Variants in KIAA1217 observed in about 807,000 individuals in gnomAD.
KIAA1217 encodes KIAA1217, also known as sickle tail protein homolog.
Under a neutral mutation model 163.9 loss-of-function variants are expected in KIAA1217, and 88 were observed. That is an observed-to-expected ratio of 0.54 (90% CI 0.45 to 0.64). KIAA1217 has a LOEUF of 0.64. Among genes scored for constraint, KIAA1217 ranks in the 30% least tolerant of loss-of-function variants. The pLI is 0.00. For missense variants in KIAA1217, 2,372 were observed against 2,475.0 expected, an observed-to-expected ratio of 0.96 and a Z score of 0.88; for synonymous variants, 903 against 923.1, an observed-to-expected ratio of 0.98 and a Z score of 0.39.
At chr10:24,420,881 C>T (rs1252177233) in intron 3 of KIAA1217, among the ~76,000 whole-genome samples, 2 of 152,178 alleles carry the variant, frequency 1.3e-5, no homozygotes, top group Non-Finnish European at 2.9e-5. Context: ...TCTTGTTTGT[C>T]CTATCCGTGT....
At chr10:24,197,912 G>A (rs758019253) in intron 2 of KIAA1217, among the ~76,000 whole-genome samples, 107 of 152,264 alleles carry the variant, frequency 7.0e-4, no homozygotes, top group Non-Finnish European at 1.2e-3. Flanking sequence ...GTCCTGGTGC[G>A]CGGAATGCAT....
intron 2 of KIAA1217, among the ~76,000 whole-genome samples, chr10:24,245,334 A>T (rs1341618347): frequency 1.3e-5 from 2 of 152,132 alleles, no homozygotes; most frequent in African/African-American, 4.8e-5. Context: ...GGCTGGTTGC[A>T]CCTGCTCTGT....
chr10:24,009,117 G>T (rs1847136771), intron 2 of KIAA1217, among the ~76,000 whole-genome samples: 1 of 152,180 alleles, frequency 6.6e-6, no homozygotes, highest in South Asian at 2.1e-4. Context: ...GGCACTAAAA[G>T]AACTTGCAAC....
chr10:23,832,155 C>T (rs1838235616), intron 1 of KIAA1217, among the ~76,000 whole-genome samples: 1 of 152,154 alleles, frequency 6.6e-6, no homozygotes. Context: ...AGCAGATTGT[C>T]ACTTATACTT....
chr10:23,919,870 C>T (rs1004074946), intron 1 of KIAA1217, among the ~76,000 whole-genome samples: 1 of 152,132 alleles, frequency 6.6e-6, no homozygotes, highest in African/African-American at 2.4e-5. Context: ...TCTCCTTGGC[C>T]ACCTAGTTCC....
At chr10:24,322,922 G>C (rs1359222661) in intron 2 of KIAA1217, among the ~76,000 whole-genome samples, 1 of 152,152 alleles carries the variant, frequency 6.6e-6, no homozygotes, top group Non-Finnish European at 1.5e-5. Flanking sequence ...TAATTTACAA[G>C]TGATCATTTC....
intron 2 of KIAA1217, among the ~76,000 whole-genome samples, chr10:24,164,046 G>C (rs1370708754): frequency 6.6e-6 from 1 of 152,284 alleles, no homozygotes; most frequent in South Asian, 2.1e-4. Flanking sequence ...TAAGTCTAAA[G>C]AGACAGCTGC....
intron 1 of KIAA1217, among the ~76,000 whole-genome samples, chr10:23,841,370 T>C (rs1838772572): frequency 6.6e-6 from 1 of 152,208 alleles, no homozygotes; most frequent in African/African-American, 2.4e-5. Context: ...GTAACTGTCA[T>C]TGCTGGGTGG....
chr10:24,451,997 C>A (rs2061408945), intron 5 of KIAA1217, among the ~76,000 whole-genome samples: 1 of 152,134 alleles, frequency 6.6e-6, no homozygotes, highest in African/African-American at 2.4e-5. Context: ...TAGAGGGCTT[C>A]CAGGGGACCA....
At chr10:23,765,553 C>A (rs1024407399) in intron 1 of KIAA1217, among the ~76,000 whole-genome samples, 6 of 152,136 alleles carry the variant, frequency 3.9e-5, no homozygotes, top group Admixed American at 1.3e-4. Flanking sequence ...CCACCCAAAT[C>A]TCATCTTGAA....
intron 3 of KIAA1217, among the ~76,000 whole-genome samples, chr10:24,430,573 T>C (rs1027777920): frequency 1.3e-5 from 2 of 151,926 alleles, no homozygotes; most frequent in East Asian, 1.9e-4. Context: ...CAACGCACCA[T>C]AATGTAGAAT....
At position 24,300,044 on chromosome 10, in the gene KIAA1217, G is replaced by A. The variant is rs148049150; in HGVS notation, c.354+80135G>A. The stretch of plus-strand genomic sequence containing the variant: ...ATCTTCCTGTGATTTCTCTGCTACC[G>A]CAGAGGGTAGTCACCAACCTTTAGC... On this transcript the variant is annotated intron_variant, in intron 2 of 20. Transcript: ENST00000376454. Among the ~76,000 whole-genome samples the A allele has an allele frequency of 8.4e-3, 1,276 of 152,192 alleles. 18 individuals carry two copies. The highest frequency in any genetic ancestry group is 0.03 in the African/African-American group (1,226 of 41,518).
rs1056882152 is a variant in KIAA1217 at position 24,059,718 on chromosome 10, C to A, written c.-171+52344C>A. On this transcript the variant is annotated intron_variant, in intron 2 of 18. Coordinates refer to the KIAA1217 transcript ENST00000376462. Reference sequence around the variant, plus strand: ...TCAGCCTCCCAAGTAACTGGGACTACAGGCACCCGCCACTGCACCCAGGTT... The same window carrying A: ...TCAGCCTCCCAAGTAACTGGGACTAAAGGCACCCGCCACTGCACCCAGGTT... Among the ~76,000 whole-genome samples the A allele has an allele frequency of 4.7e-4, 72 of 151,950 alleles. 1 individual carries two copies. Among genetic ancestry groups the A allele is most frequent in the African/African-American group, 1.7e-3 (69 of 41,400 alleles).
chr10:23,910,726 G>C (rs1427284115), intron 1 of KIAA1217, among the ~76,000 whole-genome samples: 1 of 152,186 alleles, frequency 6.6e-6, no homozygotes, highest in African/African-American at 2.4e-5. Flanking sequence ...CCATTCGACT[G>C]TTATGAACAG....
At chr10:23,993,553 C>CTTGTTTTTTTTTTTTTTTT in intron 1 of KIAA1217, among the ~76,000 whole-genome samples, 1 of 68,956 alleles carries the variant, frequency 1.5e-5, no homozygotes, top group African/African-American at 8.4e-5. Context: ...CATAGCCCAG[C>CTTGTTTTTTTTTTTTTTTT]TTTTTTTTTT....
rs147408982 is a variant in KIAA1217 at position 23,792,287 on chromosome 10, A to G, written c.-321+97053A>G. On this transcript the variant is annotated intron_variant, in intron 1 of 18. Coordinates refer to the KIAA1217 transcript ENST00000376462. Reference sequence around the variant, plus strand: ...GAGCCAAGCTATGCTTTAGATGTCTACAGAAGCCTGCTATTTAAGGAAAAC... The same window carrying G: ...GAGCCAAGCTATGCTTTAGATGTCTGCAGAAGCCTGCTATTTAAGGAAAAC... Among the ~76,000 whole-genome samples the G allele has an allele frequency of 7.2e-3, 1,100 of 152,290 alleles. 19 individuals carry two copies. Among genetic ancestry groups the G allele is most frequent in the African/African-American group, 0.024 (1,015 of 41,560 alleles).
chr10:23,865,840 C>A (rs1284858834), intron 1 of KIAA1217, among the ~76,000 whole-genome samples: 1 of 152,038 alleles, frequency 6.6e-6, no homozygotes, highest in African/African-American at 2.4e-5. Flanking sequence ...AATAAGCCAT[C>A]CTTTCTCCAA....
At position 24,370,755 on chromosome 10, in the gene KIAA1217, A is replaced by T. The variant is rs192427483; in HGVS notation, c.355-10114A>T. Among the ~76,000 whole-genome samples, 34 of 151,996 alleles carry T rather than the reference A, an allele frequency of 2.2e-4. No individual in the cohort carries two copies. The East Asian group carries it at 4.5e-3, about 20-fold the overall frequency. ...GCACCACGACTCCTGGCTAATTTTC[A>T]TGTTGGTTTTTTGTAGAGATGGGAC... On this transcript the variant is annotated intron_variant, in intron 2 of 20. Transcript: ENST00000376454.
At chr10:24,195,427 A>G (rs1301628390) in intron 2 of KIAA1217, among the ~76,000 whole-genome samples, 1 of 152,128 alleles carries the variant, frequency 6.6e-6, no homozygotes. Flanking sequence ...TGCCCAAGAC[A>G]AGGAACCCAG....
Sources: gnomAD v4.1 joint callset for allele counts (sites outside exome capture counted in the v4.1 genomes callset) on GRCh38, gnomAD v4.1.1 for gene constraint, MANE v1.5 for transcripts, NCBI Gene and HGNC (gene_info 2026-07-23, HGNC 2026-07-21) for gene names.